LAMC2: variants seen among roughly 807,000 people sequenced by gnomAD.
LAMC2 encodes the protein laminin subunit gamma-2.
In LAMC2, 97 loss-of-function variants were observed where a neutral mutation model predicts 140.2. The observed-to-expected ratio is 0.69, with a 90% CI of 0.59 to 0.82. The LOEUF is 0.82. Ranked by LOEUF, LAMC2 falls within the 40% of genes least tolerant of loss-of-function variation. The probability of loss-of-function intolerance (pLI) is 0.00; values close to 1 mark genes in which losing one functional copy is unlikely to be tolerated. For missense variants in LAMC2, 1,402 were observed against 1,476.1 expected (o/e 0.95, Z 0.82); for synonymous variants, 513 against 540.2 (o/e 0.95, Z 0.70).
At chr1:183,251,932 C>T in the LAMC2 span, 2 of 155,350 alleles carry the variant, frequency 1.3e-5, no homozygotes, top group African/African-American at 2.4e-5. Flanking sequence ...CGCATGTGTG[C>T]GTGTGTGTGT....
chr1:183,226,600 T>C, intron 8 of LAMC2, 98 bp from the exon 9 acceptor site: 1 of 1,041,852 alleles, frequency 9.6e-7, no homozygotes, highest in Non-Finnish European at 1.5e-6. Context: ...CACCTGTCTT[T>C]GTTAGGGAGT....
rs371937049 is a variant in LAMC2 at position 183,215,561 on chromosome 1, C to T, written c.377C>T (p.Ala126Val). ...CCAGGCTTCCACATGCTCACGGATG[C>T]GGGGTGCACCCAAGACCAGAGACTG... is the stretch of plus-strand genomic sequence containing the variant. The part of the protein sequence containing the change: ...CLPGFHMLTD[A>V]GCTQDQRLLD... The change falls in exon 3 of 23, where the codon GCG becomes GTG. Residue 126 changes from alanine (A) to valine (V), a missense_variant. By Grantham distance (64) the Ala-to-Val change is moderately conservative. This residue lies in a region of LAMC2 where 723 missense variants were observed against 783.3 expected (regional missense o/e 0.92). Coordinates refer to ENST00000264144, the MANE Select transcript of LAMC2 (RefSeq NM_005562.3). 9.9e-6 allele frequency: 16 copies of T among 1,614,006 alleles called. No homozygotes were observed. The highest frequency in any genetic ancestry group is 5.3e-5 in the African/African-American group (4 of 74,888).
chr1:183,198,003 T>C (rs955013524), intron 1 of LAMC2, among the ~76,000 whole-genome samples: 2 of 151,150 alleles, frequency 1.3e-5, no homozygotes, highest in African/African-American at 4.9e-5. Context: ...GGGAAGAGAG[T>C]TGCACAAAGG....
rs531271658 is a variant in LAMC2 at position 183,191,596 on chromosome 1, G to T, written c.79+5165G>T. Among the ~76,000 whole-genome samples, 9 of 150,616 alleles carry T rather than the reference G, an allele frequency of 6.0e-5. No individual in the cohort carries two copies. The South Asian group carries it at 1.9e-3, about 32-fold the overall frequency. On this transcript the variant is annotated intron_variant, in intron 1 of 22. Transcript: ENST00000264144. ...TAGAGGGCTGGGTGCGGTGGCTCAT[G>T]CCTTTAATCCCAGCACTTTGGGAGG...
downstream of LAMC2, among the ~76,000 whole-genome samples, chr1:183,248,039 A>G (rs996911645): frequency 1.3e-5 from 2 of 152,354 alleles, no homozygotes; most frequent in Non-Finnish European, 2.9e-5. Context: ...CAAATTTGCT[A>G]ATTATTCTTC....
At chr1:183,238,236 G>C in intron 18 of LAMC2, 71 bp from the exon 19 acceptor site, 2 of 1,092,856 alleles carry the variant, frequency 1.8e-6, no homozygotes, top group South Asian at 2.5e-5. Context: ...GTCATGAAGA[G>C]AAATGTGTCA....
chr1:183,223,801 T>C (rs1032967483), intron 7 of LAMC2, among the ~76,000 whole-genome samples: 5 of 151,872 alleles, frequency 3.3e-5, no homozygotes, highest in Non-Finnish European at 5.9e-5. Flanking sequence ...GCGATAGGAG[T>C]GCAGTGAGAA....
rs10911289 is a variant in LAMC2, at chr1:183,231,439, T to A, written c.1857+336T>A. ...TCAAAATACTTGAAATTTTTCAAAG[T>A]GATATGGGTAGGTGGAACTGGGAAT... On this transcript the variant is annotated intron_variant, in intron 12 of 22. Transcript: ENST00000264144. 5.3e-4 allele frequency among the ~76,000 whole-genome samples: 81 copies of A among 152,322 alleles called. 1 individual carries two copies. The East Asian group carries it at 8.1e-3, about 15-fold the overall frequency.
chr1:183,216,522 G>A (rs978885266), intron 3 of LAMC2, among the ~76,000 whole-genome samples: 1 of 151,954 alleles, frequency 6.6e-6, no homozygotes, highest in Admixed American at 6.5e-5. Context: ...CCTGCACTCC[G>A]CAGGGAAGCC....
At chr1:183,239,302 C>T in intron 19 of LAMC2, 62 bp from the exon 20 acceptor site, 1 of 1,448,754 alleles carries the variant, frequency 6.9e-7, no homozygotes, top group South Asian at 1.1e-5. Context: ...ACATCAGCCC[C>T]TTTCACTCAT....
At chr1:183,249,140 C>T (rs1287799751), downstream of LAMC2, 1 of 152,182 alleles carries the variant, frequency 6.6e-6, no homozygotes, top group Non-Finnish European at 1.5e-5. Flanking sequence ...AGAACGGCGT[C>T]TCTAGAAGCT....
chr1:183,213,748 CAAAAAAAA>C (rs529019896), intron 2 of LAMC2, among the ~76,000 whole-genome samples: 4 of 68,188 alleles, frequency 5.9e-5, no homozygotes, highest in African/African-American at 1.8e-4. Context: ...TGCAGTGAGC[CAAAAAAAA>C]AAAAAAAAAA....
At chr1:183,209,854 G>A (rs1269457239) in intron 2 of LAMC2, among the ~76,000 whole-genome samples, 1 of 152,164 alleles carries the variant, frequency 6.6e-6, no homozygotes, top group African/African-American at 2.4e-5. Context: ...TCAGCATGTA[G>A]TCTACTGCTT....
Position 183,243,167 on chromosome 1 carries a change from G to A in LAMC2, c.3349G>A (p.Glu1117Lys), listed in dbSNP as rs1558100815. The change falls in exon 23 of 23, where the codon GAA becomes AAA. Residue 1117 changes from glutamate (E) to lysine (K), a missense_variant. Around this residue, in one of 3 missense-constraint regions of LAMC2, gnomAD observed 670 missense variants for 667.2 expected, o/e 1.00. Coordinates refer to ENST00000264144, the MANE Select transcript of LAMC2 (RefSeq NM_005562.3). ...AATAGACCAGCCTCTCAGTGTAGAT[G>A]AAGAGGGGCTGGTCTTACTGGAGCA... ...HLMDQPLSVD[E>K]EGLVLLEQKL... is the part of the protein sequence containing the mutation. 12 of 1,565,058 alleles carry A rather than the reference G, an allele frequency of 7.7e-6. No homozygotes were observed. In the South Asian group the frequency reaches 1.4e-4, roughly 18 times the overall value.
In LAMC2 at chr1:183,186,643, A is replaced by C. The variant is rs6703054; in HGVS notation, c.79+212A>C. Among the ~76,000 whole-genome samples the C allele has an allele frequency of 0.56, 85,348 of 152,060 alleles. 24,755 individuals are homozygous for C. The highest frequency in any genetic ancestry group is 0.73 in the East Asian group (3,761 of 5,172). Reference sequence around the variant, plus strand: ...CTATCTGCTTTTTAAAAATAGTAAGACAATAAGCTGTGACAAAAGAGGGTC... The same window carrying C: ...CTATCTGCTTTTTAAAAATAGTAAGCCAATAAGCTGTGACAAAAGAGGGTC... On this transcript the variant is annotated intron_variant, in intron 1 of 22. Coordinates refer to ENST00000264144, the MANE Select transcript of LAMC2 (RefSeq NM_005562.3).
chr1:183,226,723 C>T lies in LAMC2; in HGVS notation c.1092C>T (p.Thr364=). 3 of 1,614,190 alleles carry T rather than the reference C, an allele frequency of 1.9e-6. No individual in the cohort carries two copies. Among genetic ancestry groups the T allele is most frequent in the South Asian group, 1.1e-5 (1 of 91,076 alleles). The stretch of plus-strand genomic sequence containing the variant: ...GTACTGGGTACATTGACAATGTGAC[C>T]CTGATTTCAGCCCGCCCTGTCTCTG... ...EYSTGYIDNV[T]LISARPVSGA... The change falls in exon 9 of 23, where the codon ACC becomes ACT. Residue 364 remains threonine, a synonymous_variant. Coordinates refer to ENST00000264144, the MANE Select transcript of LAMC2 (RefSeq NM_005562.3).
chr1:183,218,244 C>T (rs1659339227), intron 3 of LAMC2, 146 bp from the exon 4 acceptor site: 3 of 701,176 alleles, frequency 4.3e-6, no homozygotes, highest in East Asian at 2.7e-5. Flanking sequence ...GAGAGAGGTC[C>T]GCACGGGCGA....
Position 183,186,580 on chromosome 1 carries a change from CT to C in LAMC2, c.79+150del, listed in dbSNP as rs60707856. 0.52 allele frequency: 393,211 copies of C among 762,276 alleles called. 106,499 individuals carry two copies. Among genetic ancestry groups the C allele is most frequent in the East Asian group, 0.75 (27,484 of 36,600 alleles). 47.2% of individuals were successfully genotyped at this position (762,276 alleles called of 1,614,324 possible). ...CCTTCTCCTCCCCTATCTGGGGCTC[CT>C]CCAGAGACGGATTTTAAATGAGACT... On this transcript the variant is annotated intron_variant, in intron 1 of 22. Transcript: ENST00000264144.
At position 183,196,142 on chromosome 1, in the gene LAMC2, A is replaced by ATT. The variant is rs34105869; in HGVS notation, c.79+9722_79+9723dup. The stretch of plus-strand genomic sequence containing the variant: ...TAATTATTTATTTTTGATAAAAATG[A>ATT]TTTTTTTTTTTTGAGATGGAGTTTC... On this transcript the variant is annotated intron_variant, in intron 1 of 22. Coordinates refer to ENST00000264144, the MANE Select transcript of LAMC2 (RefSeq NM_005562.3). 6.8e-3 allele frequency among the ~76,000 whole-genome samples: 1,015 copies of ATT among 148,290 alleles called. 11 individuals carry two copies. Among genetic ancestry groups the ATT allele is most frequent in the African/African-American group, 0.023 (927 of 40,512 alleles).
Sources: allele counts gnomAD v4.1 joint callset (sites outside exome capture counted in the v4.1 genomes callset), GRCh38; gene constraint gnomAD v4.1.1; regional missense constraint gnomAD v4.1.1; transcripts MANE v1.5; gene names NCBI Gene and HGNC (gene_info 2026-07-23, HGNC 2026-07-21).